MIER1: variants seen among roughly 807,000 people sequenced by gnomAD.
MIER1 encodes the protein mesoderm induction early response protein 1.
MIER1 carries 40 observed loss-of-function variants against 75.7 expected under a neutral mutation model. The observed-to-expected ratio is 0.53, with a 90% confidence interval of 0.41 to 0.69. The LOEUF (loss-of-function observed/expected upper bound fraction) is 0.69. Among genes scored for constraint, MIER1 ranks in the 30% least tolerant of loss-of-function variants. The pLI is 0.00. For synonymous variants in MIER1, 213 were observed against 223.4 expected (o/e 0.95, Z 0.42); for missense variants, 574 against 680.2 (o/e 0.84, Z 1.74).
intron 2 of MIER1, among the ~76,000 whole-genome samples, chr1:66,939,793 T>C (rs1002812677): frequency 2.6e-5 from 4 of 152,164 alleles, no homozygotes; most frequent in Non-Finnish European, 5.9e-5. Flanking sequence ...ATTGTCTTTA[T>C]TTCTGGATTC....
At chr1:66,972,772 A>T (rs1663961543) in intron 10 of MIER1, 125 bp from the exon 11 acceptor site, 2 of 577,700 alleles carry the variant, frequency 3.5e-6, no homozygotes, top group Non-Finnish European at 6.2e-6. Context: ...AACAATTAGT[A>T]ATAGAGCTCA....
chr1:66,965,905 A>G (rs1662286991), intron 8 of MIER1, among the ~76,000 whole-genome samples: 1 of 152,180 alleles, frequency 6.6e-6, no homozygotes, highest in Admixed American at 6.5e-5. Flanking sequence ...AATTGAGAAC[A>G]TGGGATACTT....
intron 5 of MIER1, among the ~76,000 whole-genome samples, chr1:66,958,641 G>A (rs1361781469): frequency 6.6e-6 from 1 of 151,776 alleles, no homozygotes; most frequent in African/African-American, 2.4e-5. Flanking sequence ...TCTTGGTACA[G>A]TGCTATTAAC....
At position 66,984,990 on chromosome 1, in the gene MIER1, T is replaced by C; in HGVS notation, c.*90T>C. The C allele has an allele frequency of 7.0e-7, 1 of 1,438,310 alleles. No individual in the cohort carries two copies. The highest frequency in any genetic ancestry group is 9.1e-7 in the Non-Finnish European group (1 of 1,096,368). 89.1% of individuals were successfully genotyped at this position (1,438,310 alleles called of 1,614,324 possible). A position where few individuals can be genotyped will look rare whatever the true frequency, so the allele number is the denominator to read the frequency against. On this transcript the variant is annotated 3_prime_UTR_variant, in exon 14 of 14. Transcript: ENST00000401041. ...GGGTTACCTTAAAAAGTTGATTTCC[T>C]TGAAGCAGTTTGAAAATTTGAATTG...
intron 2 of MIER1, chr1:66,928,807 A>T: frequency 1.2e-6 from 1 of 809,580 alleles, no homozygotes; most frequent in Non-Finnish European, 2.0e-6. Flanking sequence ...ACTGTACAGT[A>T]CAGTTAATGG....
chr1:66,957,592 T>TG (rs1660412101), intron 4 of MIER1, among the ~76,000 whole-genome samples: 1 of 132,242 alleles, frequency 7.6e-6, no homozygotes, highest in Admixed American at 7.9e-5. Context: ...TTTGTGTTTT[T>TG]TTTTTTTTTT....
intron 2 of MIER1, among the ~76,000 whole-genome samples, chr1:66,938,917 T>C (rs1418635260): frequency 1.3e-5 from 2 of 152,190 alleles, no homozygotes; most frequent in East Asian, 1.9e-4. Flanking sequence ...AATTACATAA[T>C]ATGTACAGTT....
intron 5 of MIER1, 78 bp from the exon 6 acceptor site, chr1:66,958,773 C>G (rs1660667218): frequency 7.9e-7 from 1 of 1,266,576 alleles, no homozygotes; most frequent in East Asian, 2.4e-5. Flanking sequence ...TATATTAGAA[C>G]AAAATTTATA....
At chr1:66,963,426 T>G (rs1468617376) in intron 8 of MIER1, among the ~76,000 whole-genome samples, 2 of 151,978 alleles carry the variant, frequency 1.3e-5, no homozygotes, top group African/African-American at 2.4e-5. Flanking sequence ...GTCTCAACAG[T>G]TTTTTTTACT....
intron 12 of MIER1, among the ~76,000 whole-genome samples, chr1:66,977,479 T>C (rs751729813): frequency 1.3e-5 from 2 of 152,172 alleles, no homozygotes; most frequent in Non-Finnish European, 2.9e-5. Context: ...TCCTGAATCT[T>C]TCCTCTAACA....
intron 12 of MIER1, among the ~76,000 whole-genome samples, chr1:66,977,644 G>A (rs879522844): frequency 2.0e-5 from 3 of 152,082 alleles, no homozygotes; most frequent in Non-Finnish European, 1.5e-5. Context: ...GTCTAGCTTT[G>A]GAGTGAAACA....
intron 2 of MIER1, among the ~76,000 whole-genome samples, chr1:66,930,713 C>T (rs931136126): frequency 2.6e-5 from 4 of 152,014 alleles, no homozygotes; most frequent in African/African-American, 9.7e-5. Flanking sequence ...ACTTCGCCGG[C>T]CGGTGCTAGG....
intron 2 of MIER1, among the ~76,000 whole-genome samples, chr1:66,934,432 C>A (rs925937525): frequency 6.8e-5 from 9 of 132,922 alleles, no homozygotes; most frequent in African/African-American, 2.5e-4. Context: ...GAGACAGGGT[C>A]TCTCTCTGTT....
At chr1:66,956,409 GTC>G (rs890165616) in intron 4 of MIER1, among the ~76,000 whole-genome samples, 4 of 152,102 alleles carry the variant, frequency 2.6e-5, no homozygotes, top group African/African-American at 9.7e-5. Flanking sequence ...GCAAGATCCT[GTC>G]TCAAAAAATA....
rs540584086 is a variant in MIER1, at chr1:66,944,715, AT to A, written c.194-1426del. On this transcript the variant is annotated intron_variant, in intron 3 of 13. Coordinates refer to ENST00000401041, the MANE Select transcript of MIER1 (RefSeq NM_001077700.3). The stretch of plus-strand genomic sequence containing the variant: ...TTAAGGACAGCTACTCAAATATTAG[AT>A]TTTTTTTTATTTATTTTTTATTTTT... 2.2e-3 allele frequency among the ~76,000 whole-genome samples: 334 copies of A among 151,176 alleles called. 2 individuals are homozygous for A. The highest frequency in any genetic ancestry group is 7.5e-3 in the African/African-American group (309 of 41,232).
intron 4 of MIER1, chr1:66,946,928 A>C (rs770729805): frequency 1.0e-4 from 99 of 984,588 alleles, no homozygotes; most frequent in Non-Finnish European, 1.2e-4. Context: ...TCTTTTGCAG[A>C]CTCTTCTTCC....
Position 66,985,841 on chromosome 1 carries a change from T to G in MIER1, c.*941T>G. The G allele has an allele frequency of 1.2e-6, 1 of 808,412 alleles. No individual in the cohort carries two copies. The highest frequency in any genetic ancestry group is 1.5e-6 in the Non-Finnish European group (1 of 670,360). The allele number at this position is 808,412 out of a possible 1,614,324, so 50.1% of individuals were successfully genotyped here. A position where few individuals can be genotyped will look rare whatever the true frequency, so the allele number is the denominator to read the frequency against. On this transcript the variant is annotated 3_prime_UTR_variant, in exon 14 of 14. Coordinates refer to ENST00000401041, the MANE Select transcript of MIER1 (RefSeq NM_001077700.3). ...TTTTTTTTTTTTTTTTTTTTTTAAA[T>G]TTCTACTTAAGGGCAAGTAATTTGA...
chr1:66,929,317 C>G (rs1652538869), intron 2 of MIER1, among the ~76,000 whole-genome samples: 1 of 152,150 alleles, frequency 6.6e-6, no homozygotes, highest in Non-Finnish European at 1.5e-5. Context: ...GGAAAAAAAT[C>G]CCAGTCTTTT....
At chr1:66,930,302 C>G (rs1054200315) in intron 2 of MIER1, 2 of 1,570,372 alleles carry the variant, frequency 1.3e-6, no homozygotes, top group Non-Finnish European at 1.7e-6. Flanking sequence ...ACGGCAGCGG[C>G]CGGAGTCCCG....
Sources: gnomAD v4.1 joint callset for allele counts (sites outside exome capture counted in the v4.1 genomes callset) on GRCh38, gnomAD v4.1.1 for gene constraint, MANE v1.5 for transcripts, NCBI Gene and HGNC (gene_info 2026-07-23, HGNC 2026-07-21) for gene names.